PRKCA: variants seen among roughly 807,000 people sequenced by gnomAD.
PRKCA encodes protein kinase C alpha.
Under a neutral mutation model 87.0 loss-of-function variants are expected in PRKCA, and 27 were observed. That is an observed-to-expected ratio of 0.31 (90% CI 0.23 to 0.43). PRKCA has a LOEUF of 0.43. PRKCA is among the 20% of genes least tolerant of loss of function. The pLI is 1.00. For missense variants in PRKCA, 518 were observed against 852.3 expected, an observed-to-expected ratio of 0.61 and a Z score of 4.88; for synonymous variants, 329 against 311.1, an observed-to-expected ratio of 1.06 and a Z score of -0.61.
At chr17:66,422,863 C>A (rs1019932621) in intron 2 of PRKCA, among the ~76,000 whole-genome samples, 1 of 152,158 alleles carries the variant, frequency 6.6e-6, no homozygotes, top group Admixed American at 6.5e-5. Context: ...GTAATCCTAG[C>A]GCTTTGGGAG....
chr17:66,695,752 T>C (rs1162742752), intron 8 of PRKCA, among the ~76,000 whole-genome samples: 1 of 152,170 alleles, frequency 6.6e-6, no homozygotes, highest in African/African-American at 2.4e-5. Context: ...AGAACAAAGA[T>C]AGCTAAGAGG....
At chr17:66,433,840 C>T (rs1293929798) in intron 2 of PRKCA, among the ~76,000 whole-genome samples, 1 of 152,200 alleles carries the variant, frequency 6.6e-6, no homozygotes, top group African/African-American at 2.4e-5. Flanking sequence ...CCACTGCACC[C>T]AGTCCACCTG....
intron 16 of PRKCA, among the ~76,000 whole-genome samples, chr17:66,802,203 G>A (rs1055385661): frequency 6.6e-6 from 1 of 152,100 alleles, no homozygotes; most frequent in African/African-American, 2.4e-5. Context: ...CTGGGTGACA[G>A]AGTGAGACCC....
intron 5 of PRKCA, among the ~76,000 whole-genome samples, chr17:66,672,746 G>A (rs1412489990): frequency 1.3e-5 from 2 of 152,186 alleles, no homozygotes; most frequent in African/African-American, 4.8e-5. Context: ...ATTCTGATTA[G>A]CCATAAAATG....
chr17:66,367,960 C>G (rs899615948), intron 2 of PRKCA, among the ~76,000 whole-genome samples: 1 of 152,158 alleles, frequency 6.6e-6, no homozygotes, highest in Non-Finnish European at 1.5e-5. Context: ...TATAAAATAA[C>G]TTACAGGTGC....
chr17:66,655,133 C>T (rs997144323), intron 5 of PRKCA, among the ~76,000 whole-genome samples: 6 of 152,240 alleles, frequency 3.9e-5, no homozygotes, highest in Non-Finnish European at 8.8e-5. Flanking sequence ...AAACATACAG[C>T]GGTGTGCTTG....
chr17:66,672,114 G>GAA (rs1353710219), intron 5 of PRKCA, among the ~76,000 whole-genome samples: 2 of 152,068 alleles, frequency 1.3e-5, no homozygotes, highest in African/African-American at 4.8e-5. Flanking sequence ...AAAAGAAATG[G>GAA]AAAAAATAAA....
Position 66,553,135 on chromosome 17 carries a change from G to A in PRKCA, c.288+56852G>A, listed in dbSNP as rs149266495. Among the ~76,000 whole-genome samples, 18 of 152,072 alleles carry A rather than the reference G, an allele frequency of 1.2e-4. No homozygotes were observed. The East Asian group carries it at 2.7e-3, about 23-fold the overall frequency. ...TAGCTGGGACTACAGGCTTGTACCAGCATGCCTGGCTAATTTTTGCATTTT... is the reference window on the plus strand; with the variant it reads ...TAGCTGGGACTACAGGCTTGTACCAACATGCCTGGCTAATTTTTGCATTTT... On this transcript the variant is annotated intron_variant, in intron 3 of 16. Coordinates refer to ENST00000413366, the MANE Select transcript of PRKCA (RefSeq NM_002737.3).
Position 66,807,953 on chromosome 17 carries a change from T to C in PRKCA, c.*3916T>C, listed in dbSNP as rs1598026096. Reference sequence around the variant, plus strand: ...ACGGCTTCCCATCGGAGGTGGTTGGTGCAGATGGAAGTTTCTGTCTGCTGG... The same window carrying C: ...ACGGCTTCCCATCGGAGGTGGTTGGCGCAGATGGAAGTTTCTGTCTGCTGG... On this transcript the variant is annotated 3_prime_UTR_variant, in exon 17 of 17. Transcript: ENST00000413366. The surrounding 1 kb of genome is among the most constrained non-coding windows in gnomAD (Gnocchi z 4.3). 1 of 152,432 alleles carries C rather than the reference T, an allele frequency of 6.6e-6. No homozygotes were observed. The highest frequency in any genetic ancestry group is 1.9e-4 in the East Asian group (1 of 5,188). 9.4% of individuals were successfully genotyped at this position (152,432 alleles called of 1,614,324 possible).
intron 5 of PRKCA, among the ~76,000 whole-genome samples, chr17:66,654,133 G>A (rs1192300016): frequency 6.6e-6 from 1 of 152,140 alleles, no homozygotes; most frequent in African/African-American, 2.4e-5. Context: ...GCTAGGAAGT[G>A]GTCGCACCAT....
Position 66,302,736 on chromosome 17 carries a change from C to T in PRKCA, c.-116C>T. 1.3e-6 allele frequency: 1 copy of T among 767,338 alleles called. No individual in the cohort carries two copies. Among genetic ancestry groups the T allele is most frequent in the Non-Finnish European group, 1.6e-6 (1 of 619,956 alleles). The allele number at this position is 767,338 out of a possible 1,614,324, so 47.5% of individuals were successfully genotyped here. A position where few individuals can be genotyped will look rare whatever the true frequency, so the allele number is the denominator to read the frequency against. ...CCTCGCCGCGACCTCGGCCACCGGC[C>T]CGCGCCCCGCGCCCGGGGTCGCCCC... is the stretch of plus-strand genomic sequence containing the variant. On this transcript the variant is annotated 5_prime_UTR_variant, in exon 1 of 17. Coordinates refer to ENST00000413366, the MANE Select transcript of PRKCA (RefSeq NM_002737.3).
chr17:66,555,949 C>CT (rs1292038154), intron 3 of PRKCA, among the ~76,000 whole-genome samples: 2 of 151,942 alleles, frequency 1.3e-5, no homozygotes, highest in Non-Finnish European at 2.9e-5. Flanking sequence ...AATATAGAGC[C>CT]TTCTCATTTA....
chr17:66,360,585 G>A (rs982693432), intron 2 of PRKCA, among the ~76,000 whole-genome samples: 4 of 152,188 alleles, frequency 2.6e-5, no homozygotes, highest in Non-Finnish European at 5.9e-5. Flanking sequence ...GCTTGTGGCA[G>A]CTGGGAACAG....
intron 2 of PRKCA, among the ~76,000 whole-genome samples, chr17:66,493,709 A>G (rs560489967): frequency 6.6e-6 from 1 of 152,224 alleles, no homozygotes; most frequent in South Asian, 2.1e-4. Context: ...ATTTGCTAAT[A>G]ATGCATGTGA....
intron 2 of PRKCA, among the ~76,000 whole-genome samples, chr17:66,458,786 C>T (rs1224418277): frequency 2.0e-5 from 3 of 152,128 alleles, no homozygotes; most frequent in African/African-American, 7.2e-5. Flanking sequence ...CTGCCCCTTT[C>T]AGAATCTTCT....
intron 6 of PRKCA, 137 bp downstream of exon 6, chr17:66,687,404 A>G: frequency 2.3e-6 from 2 of 864,888 alleles, no homozygotes; most frequent in Middle Eastern, 2.5e-4. Flanking sequence ...TCAGGCTGCC[A>G]TTAGGGAGGT....
intron 5 of PRKCA, among the ~76,000 whole-genome samples, chr17:66,667,028 C>G (rs1261754789): frequency 6.6e-6 from 1 of 152,174 alleles, no homozygotes; most frequent in Non-Finnish European, 1.5e-5. Context: ...CCCTGTCCAG[C>G]CAACTCCTTT....
chr17:66,555,754 C>A (rs1209588405), intron 3 of PRKCA, among the ~76,000 whole-genome samples: 1 of 151,956 alleles, frequency 6.6e-6, no homozygotes, highest in African/African-American at 2.4e-5. Flanking sequence ...GCTGAGACTT[C>A]TATTATGAAC....
At chr17:66,403,510 TC>T (rs1424337471) in intron 2 of PRKCA, 1 of 152,254 alleles carries the variant, frequency 6.6e-6, no homozygotes, top group African/African-American at 2.4e-5. Context: ...GAGCTATAAT[TC>T]AAATCCTTGG....
Sources: allele counts gnomAD v4.1 joint callset (sites outside exome capture counted in the v4.1 genomes callset), GRCh38; gene constraint gnomAD v4.1.1; non-coding constraint Gnocchi (gnomAD v3.1); transcripts MANE v1.5; gene names NCBI Gene and HGNC (gene_info 2026-07-23, HGNC 2026-07-21).